DMD: variants seen among roughly 807,000 people sequenced by gnomAD.
DMD encodes dystrophin, also known as mutant dystrophin.
Under a neutral mutation model 330.1 loss-of-function variants are expected in DMD, and 63 were observed. The ratio of observed to expected loss-of-function variants is 0.19; its 90% CI spans 0.16 to 0.24. The LOEUF is 0.24. Ranked by LOEUF, DMD falls within the 10% of genes least tolerant of loss-of-function variation. The pLI is 1.00. For synonymous variants in DMD, 1,223 were observed against 959.8 expected (o/e 1.27, Z -5.07); for missense variants, 3,344 against 2,684.1 (o/e 1.25, Z -5.43).
intron 9 of DMD, among the ~76,000 whole-genome samples, chrX:32,666,805 C>A (rs1431065409): frequency 2.0e-5 from 2 of 98,409 alleles, no homozygotes; most frequent in Admixed American, 1.1e-4. Flanking sequence ...CTAACCTGGG[C>A]AACAGAGCAA....
At chrX:33,089,796 CT>C (rs1247358154) in intron 1 of DMD, among the ~76,000 whole-genome samples, 3 of 110,358 alleles carry the variant, frequency 2.7e-5, no homozygotes, top group African/African-American at 9.9e-5. Flanking sequence ...TACATTTTGC[CT>C]CTACAAAAGG....
intron 44 of DMD, among the ~76,000 whole-genome samples, chrX:32,161,180 T>A (rs748700346): frequency 8.9e-5 from 10 of 112,003 alleles, no homozygotes; most frequent in Non-Finnish European, 1.1e-4. Flanking sequence ...CAAGCCAGGA[T>A]TATTATAAGG....
chrX:31,510,296 A>G (rs1003485043), intron 55 of DMD, among the ~76,000 whole-genome samples: 1 of 111,088 alleles, frequency 9.0e-6, no homozygotes, highest in African/African-American at 3.3e-5. Flanking sequence ...TGATTCTAGA[A>G]GATCTTGGGC....
rs1380926673 is a variant in DMD, at chrX:32,205,000, C to CACA, written c.6438+11915_6438+11916insTGT. On this transcript the variant is annotated intron_variant, in intron 44 of 78. Transcript: ENST00000357033. ...CATCTCTCTCTCTCTCTCTCTCTCT[C>CACA]TCTCTCACATACACACACACACACA... Among the ~76,000 whole-genome samples, 56 of 53,189 alleles carry CACA rather than the reference C, an allele frequency of 1.1e-3. 1 individual carries two copies. The highest frequency in any genetic ancestry group is 8.1e-3 in the Admixed American group (34 of 4,216). The allele number at this position is 53,189 out of a possible 115,157, so 46.2% of individuals were successfully genotyped here.
chrX:32,532,269 C>A (rs746385134), intron 17 of DMD, among the ~76,000 whole-genome samples: 6 of 111,846 alleles, frequency 5.4e-5, no homozygotes, highest in Admixed American at 9.5e-5. Flanking sequence ...CCATGGGACA[C>A]TAGAGTCAAT....
chrX:32,536,902 G>C (rs112193291), intron 17 of DMD, among the ~76,000 whole-genome samples: 2 of 111,824 alleles, frequency 1.8e-5, no homozygotes, highest in Non-Finnish European at 3.8e-5. Flanking sequence ...GATATCCCTC[G>C]GGAGGCTGTA....
Position 32,522,494 on chromosome X carries a change from A to T in DMD, c.2169-4363T>A, listed in dbSNP as rs2046536566. On this transcript the variant is annotated intron_variant, in intron 17 of 78. Coordinates refer to ENST00000357033, the MANE Select transcript of DMD (RefSeq NM_004006.3). ...TCTTAAATATTTGTCTATGCTAGAT[A>T]CATTCAAATTATTCTCTTCTAGCTA... 3.6e-5 allele frequency among the ~76,000 whole-genome samples: 4 copies of T among 112,338 alleles called. No individual in the cohort carries two copies. The South Asian group carries it at 1.5e-3, about 42-fold the overall frequency.
chrX:31,816,794 T>TCACACACA (rs759346277), intron 50 of DMD, among the ~76,000 whole-genome samples: 16 of 85,360 alleles, frequency 1.9e-4, no homozygotes, highest in African/African-American at 4.5e-4. Flanking sequence ...CAAGATTCTG[T>TCACACACA]CACACACACA....
At chrX:32,834,135 A>G (rs1292163712) in intron 4 of DMD, among the ~76,000 whole-genome samples, 1 of 111,689 alleles carries the variant, frequency 9.0e-6, no homozygotes, top group African/African-American at 3.2e-5. Context: ...TCACGGAATC[A>G]TTTGGCAAAG....
intron 62 of DMD, among the ~76,000 whole-genome samples, chrX:31,284,647 G>T (rs2053023439): frequency 1.0e-5 from 1 of 99,086 alleles, no homozygotes; most frequent in African/African-American, 4.0e-5. Context: ...CCTTGACTAG[G>T]CAGGTCTTGA....
At chrX:31,695,536 G>A (rs1481076626) in intron 52 of DMD, among the ~76,000 whole-genome samples, 5 of 107,780 alleles carry the variant, frequency 4.6e-5, no homozygotes, top group East Asian at 2.9e-4. Context: ...CATGTACCCC[G>A]TAAATATATA....
At chrX:31,714,680 G>A (rs1389347072) in intron 52 of DMD, among the ~76,000 whole-genome samples, 2 of 111,755 alleles carry the variant, frequency 1.8e-5, no homozygotes, top group Middle Eastern at 4.7e-3. Context: ...CATATTTAAA[G>A]TTTACCTGTT....
In DMD at chrX:31,212,146, T is replaced by TTATATATA. The variant is rs375944446; in HGVS notation, c.9362-2455_9362-2448dup. Among the ~76,000 whole-genome samples the TTATATATA allele has an allele frequency of 8.7e-4, 80 of 91,734 alleles. 1 individual carries two copies. Among genetic ancestry groups the TTATATATA allele is most frequent in the African/African-American group, 2.9e-3 (69 of 23,640 alleles). 79.7% of individuals were successfully genotyped at this position (91,734 alleles called of 115,157 possible). A position where few individuals can be genotyped will look rare whatever the true frequency, so the allele number is the denominator to read the frequency against. The stretch of plus-strand genomic sequence containing the variant: ...AAGCTAGGAATTTCCATTAAATATA[T>TTATATATA]TATATATATATATATATATATGTGT... On this transcript the variant is annotated intron_variant, in intron 64 of 78. Coordinates refer to ENST00000357033, the MANE Select transcript of DMD (RefSeq NM_004006.3).
intron 47 of DMD, among the ~76,000 whole-genome samples, chrX:31,924,285 G>A (rs1271791281): frequency 1.8e-5 from 2 of 111,859 alleles, no homozygotes; most frequent in East Asian, 2.8e-4. Flanking sequence ...GCAAGGAGTC[G>A]GAAAGCCAAG....
chrX:32,412,290 T>C, intron 29 of DMD: 2 of 841,148 alleles, frequency 2.4e-6, no homozygotes, highest in Non-Finnish European at 3.2e-6. Context: ...TAGAATAGGG[T>C]CATCGTCATC....
intron 1 of DMD, among the ~76,000 whole-genome samples, chrX:33,182,957 T>A (rs1350166123): frequency 8.9e-6 from 1 of 112,291 alleles, no homozygotes; most frequent in Non-Finnish European, 1.9e-5. Flanking sequence ...GAATGAGTTT[T>A]TCTGCAAAAA....
chrX:33,145,749 C>T (rs73190225), intron 1 of DMD, among the ~76,000 whole-genome samples: 8,217 of 109,572 alleles, frequency 0.075, 317 homozygotes, highest in South Asian at 0.21. Flanking sequence ...GGTCTCTCAT[C>T]CTTCTCATTT....
At chrX:31,928,466 C>T (rs1200200584) in intron 47 of DMD, among the ~76,000 whole-genome samples, 1 of 111,050 alleles carries the variant, frequency 9.0e-6, no homozygotes, top group Non-Finnish European at 1.9e-5. Flanking sequence ...CTTAGCTGGG[C>T]ATGCTGGCAG....
intron 44 of DMD, among the ~76,000 whole-genome samples, chrX:32,039,673 T>C (rs2095983124): frequency 8.9e-6 from 1 of 111,963 alleles, no homozygotes; most frequent in Admixed American, 9.5e-5. Flanking sequence ...TTCAAATATG[T>C]TAACTAAAGT....
Sources: gnomAD v4.1 joint callset for allele counts (sites outside exome capture counted in the v4.1 genomes callset) on GRCh38, gnomAD v4.1.1 for gene constraint, MANE v1.5 for transcripts, NCBI Gene and HGNC (gene_info 2026-07-23, HGNC 2026-07-21) for gene names.